The following UCP3 variants were observed in gnomAD, a reference collection of about 807,000 sequenced individuals.
UCP3 encodes putative mitochondrial transporter UCP3.
In UCP3, 24 loss-of-function variants were observed where a neutral mutation model predicts 28.1. That is an observed-to-expected ratio of 0.85 (90% CI 0.62 to 1.20). UCP3 has a LOEUF of 1.20. UCP3 is among the 50% of genes most tolerant of loss of function. The probability of loss-of-function intolerance (pLI) is 0.00; values close to 1 mark genes in which losing one functional copy is unlikely to be tolerated. For synonymous variants in UCP3, 184 were observed against 171.2 expected (o/e 1.07, Z -0.59); for missense variants, 397 against 422.2 (o/e 0.94, Z 0.52).
At position 74,004,116 on chromosome 11, in the gene UCP3, T is replaced by C; in HGVS notation, c.644-109A>G. The C allele has an allele frequency of 2.0e-6, 3 of 1,522,240 alleles. No individual in the cohort carries two copies. In the South Asian group the frequency reaches 3.6e-5, roughly 18 times the overall value. 94.3% of individuals were successfully genotyped at this position (1,522,240 alleles called of 1,614,324 possible). On this transcript the variant is annotated intron_variant, in intron 5 of 6. Transcript: ENST00000314032. ...TGAACTCCCTGAGCATAGGACAGTA[T>C]TTTCCATATCTCTCACAGTGCCCTG...
chr11:74,007,274 T>C, intron 1 of UCP3, 137 bp from the exon 2 acceptor site: 1 of 566,462 alleles, frequency 1.8e-6, no homozygotes, highest in Non-Finnish European at 3.1e-6. Flanking sequence ...ATTTGGCCTA[T>C]AAAAACAGGT....
At chr11:74,002,998 G>C in intron 6 of UCP3, 1 of 950,694 alleles carries the variant, frequency 1.1e-6, no homozygotes, top group African/African-American at 1.8e-5. Flanking sequence ...TTTAACCTGT[G>C]ATCTTGGATA....
At chr11:74,002,790 G>A (rs947951545) in intron 6 of UCP3, 11 of 985,300 alleles carry the variant, frequency 1.1e-5, no homozygotes, top group African/African-American at 1.0e-4. Flanking sequence ...GTTTTATTAC[G>A]TCATTCCCAG....
chr11:74,001,725 G>GAA (rs11412246), intron 6 of UCP3, 199 bp from the exon 7 acceptor site: 1,420 of 552,004 alleles, frequency 2.6e-3, no homozygotes, highest in Middle Eastern at 7.1e-3. Context: ...GTAAGGAAAA[G>GAA]AAAAAAAAAC....
intron 1 of UCP3, among the ~76,000 whole-genome samples, chr11:74,007,787 G>C (rs1040364497): frequency 1.4e-4 from 21 of 152,298 alleles, no homozygotes; most frequent in African/African-American, 5.1e-4. Flanking sequence ...CAAGCTGCGG[G>C]AGGAGGGAAA....
chr11:74,003,007 T>A lies in UCP3; in HGVS notation c.824+820A>T, dbSNP rs111989233. 34 of 928,182 alleles carry A rather than the reference T, an allele frequency of 3.7e-5. 1 individual carries two copies. In the African/African-American group the frequency reaches 5.3e-4, roughly 15 times the overall value. The allele number at this position is 928,182 out of a possible 1,614,324, so 57.5% of individuals were successfully genotyped here. ...CACCATTTTAACCTGTGATCTTGGA[T>A]AAGTTACTTAACTTTTCTGACACTC... On this transcript the variant is annotated intron_variant, in intron 6 of 6. Coordinates refer to ENST00000314032, the MANE Select transcript of UCP3 (RefSeq NM_003356.4).
intron 6 of UCP3, chr11:74,002,942 T>C (rs1369339472): frequency 1.0e-6 from 1 of 985,286 alleles, no homozygotes; most frequent in African/African-American, 1.7e-5. Context: ...ACAACATTGT[T>C]GGGTGTGGTG....
chr11:74,007,115 T>C lies in UCP3; in HGVS notation c.-73A>G. Reference sequence around the variant, plus strand: ...AAGGAGAGAGGCTGCTCCACAGCCCTGGGCTTCAGTGCAGCGGTGGGGCTG... The same window carrying C: ...AAGGAGAGAGGCTGCTCCACAGCCCCGGGCTTCAGTGCAGCGGTGGGGCTG... On this transcript the variant is annotated 5_prime_UTR_variant, in exon 2 of 7. Transcript: ENST00000314032. 6.3e-7 allele frequency: 1 copy of C among 1,585,292 alleles called. No homozygotes were observed.
intron 6 of UCP3, 137 bp from the exon 7 acceptor site, chr11:74,001,663 G>T: frequency 1.4e-6 from 1 of 712,726 alleles, no homozygotes; most frequent in South Asian, 1.6e-5. Context: ...AATCCTTTCA[G>T]TCTCTCTCTC....
Position 74,007,067 on chromosome 11 carries a change from C to T in UCP3, c.-25G>A, listed in dbSNP as rs1951673405. On this transcript the variant is annotated 5_prime_UTR_variant, in exon 2 of 7. Coordinates refer to ENST00000314032, the MANE Select transcript of UCP3 (RefSeq NM_003356.4). ...TAGTCCTGGAAGGCTCTGCCCAGTCCCTTTAGGGCCGAGAGGAGGTCCAAG... is the reference window on the plus strand; with the variant it reads ...TAGTCCTGGAAGGCTCTGCCCAGTCTCTTTAGGGCCGAGAGGAGGTCCAAG... 1.2e-6 allele frequency: 2 copies of T among 1,612,798 alleles called. No individual in the cohort carries two copies. The highest frequency in any genetic ancestry group is 2.7e-5 in the African/African-American group (2 of 74,924).
Position 74,005,866 on chromosome 11 carries a change from C to T in UCP3, c.405G>A (p.Gln135=). Residue 135 remains glutamine, a synonymous_variant, in exon 4 of 7, where the codon CAG becomes CAA. Coordinates refer to ENST00000314032, the MANE Select transcript of UCP3 (RefSeq NM_003356.4). ...ATCGGACCTTCACCACATCTGTGGG[C>T]TGGGCACAGGTCACCGCCATGGCTC... ...TTGAMAVTCA[Q]PTDVVKVRFQ... 1.2e-6 allele frequency: 2 copies of T among 1,614,190 alleles called. No individual in the cohort carries two copies. Among genetic ancestry groups the T allele is most frequent in the Non-Finnish European group, 1.7e-6 (2 of 1,180,032 alleles).
intron 1 of UCP3, among the ~76,000 whole-genome samples, chr11:74,007,513 CT>C (rs1415710662): frequency 6.6e-6 from 1 of 152,132 alleles, no homozygotes; most frequent in Non-Finnish European, 1.5e-5. Flanking sequence ...TCACTGCAGC[CT>C]TGACCTCTTG....
At position 74,005,713 on chromosome 11, in the gene UCP3, CCA is replaced by C; in HGVS notation, c.541+15_541+16del. 1.9e-6 allele frequency: 3 copies of C among 1,613,842 alleles called. No individual in the cohort carries two copies. The highest frequency in any genetic ancestry group is 1.1e-5 in the South Asian group (1 of 91,084). ...AAGCTCTGCCTAAGACCGCCTGCGT[CCA>C]GAGTCCAGACCTACCTTTCCACAGG... On this transcript the variant is annotated intron_variant, in intron 4 of 6. Transcript: ENST00000314032.
chr11:74,007,181 C>T, intron 1 of UCP3, 44 bp from the exon 2 acceptor site: 1 of 1,177,616 alleles, frequency 8.5e-7, no homozygotes, highest in Non-Finnish European at 1.2e-6. Flanking sequence ...TGATGTCTGG[C>T]CTGGCTCCCA....
intron 1 of UCP3, among the ~76,000 whole-genome samples, chr11:74,007,841 C>G (rs11235973): frequency 0.026 from 3,894 of 152,260 alleles, 155 homozygotes; most frequent in African/African-American, 0.088. Context: ...GAGGCCAGCA[C>G]TCCCCAATCT....
intron 2 of UCP3, 35 bp from the exon 3 acceptor site, chr11:74,006,414 G>C (rs761967055): frequency 6.7e-7 from 1 of 1,500,646 alleles, no homozygotes; most frequent in East Asian, 2.3e-5. Context: ...GGACTCAGAT[G>C]GGAAGGCAAG....
rs982672209 is a variant in UCP3, at chr11:74,000,386, C to A, written c.*1026G>T. On this transcript the variant is annotated 3_prime_UTR_variant, in exon 7 of 7. Transcript: ENST00000314032. The stretch of plus-strand genomic sequence containing the variant: ...TAGGTTCTTGCCCAGGAATCCACCT[C>A]TTTTCCCCCAAGCCCAACAATCCTT... 25 of 139,410 alleles carry A rather than the reference C, an allele frequency of 1.8e-4. No homozygotes were observed. Among genetic ancestry groups the A allele is most frequent in the African/African-American group, 6.5e-4 (25 of 38,330 alleles). The allele number at this position is 139,410 out of a possible 1,614,324, so 8.6% of individuals were successfully genotyped here.
chr11:74,004,614 G>A, intron 4 of UCP3, 29 bp from the exon 5 acceptor site: 1 of 1,579,248 alleles, frequency 6.3e-7, no homozygotes, highest in South Asian at 1.1e-5. Flanking sequence ...GGAGGGATGT[G>A]AAATGGGTGG....
rs1289094353 is a variant in UCP3 at position 74,003,959 on chromosome 11, G to A, written c.692C>T (p.Ala231Val). Residue 231 changes from alanine to valine, a missense_variant, in exon 6 of 7, where the codon GCC becomes GTC. Coordinates refer to ENST00000314032, the MANE Select transcript of UCP3 (RefSeq NM_003356.4). ...FVSAFGAGFC[A>V]TVVASPVDVV... ...GTCCACCGGGGAGGCCACCACTGTG[G>A]CACAGAAGCCGGCTCCAAAGGCAGA... 21 of 1,614,044 alleles carry A rather than the reference G, an allele frequency of 1.3e-5. No homozygotes were observed. In the Admixed American group the frequency reaches 3.3e-4, roughly 26 times the overall value.
Sources: allele counts gnomAD v4.1 joint callset (sites outside exome capture counted in the v4.1 genomes callset), GRCh38; gene constraint gnomAD v4.1.1; transcripts MANE v1.5; gene names NCBI Gene and HGNC (gene_info 2026-07-23, HGNC 2026-07-21).